MACROD2: variants seen among roughly 807,000 people sequenced by gnomAD.
MACROD2 encodes mono-ADP ribosylhydrolase 2.
MACROD2 carries 36 observed loss-of-function variants against 70.4 expected under a neutral mutation model. The observed-to-expected ratio is 0.51, with a 90% confidence interval of 0.39 to 0.68. The LOEUF is 0.68. MACROD2 is among the 30% of genes least tolerant of loss of function. The pLI, the probability that MACROD2 is intolerant of heterozygous loss-of-function variation, is 0.00. For missense variants in MACROD2, 496 were observed against 538.4 expected (o/e 0.92, Z 0.78); for synonymous variants, 172 against 178.8 (o/e 0.96, Z 0.30).
At chr20:15,083,593 A>G (rs1362710103) in intron 5 of MACROD2, among the ~76,000 whole-genome samples, 1 of 143,672 alleles carries the variant, frequency 7.0e-6, no homozygotes, top group African/African-American at 2.4e-5. Flanking sequence ...CACATCAACA[A>G]TAATTTTTTT....
intron 3 of MACROD2, among the ~76,000 whole-genome samples, chr20:14,106,376 C>T (rs894889071): frequency 7.2e-5 from 11 of 152,142 alleles, no homozygotes; most frequent in Admixed American, 3.3e-4. Context: ...CCAGCTTAAC[C>T]GTGGTAGGCA....
intron 2 of MACROD2, among the ~76,000 whole-genome samples, chr20:14,076,204 A>T (rs2053914438): frequency 6.6e-6 from 1 of 152,038 alleles, no homozygotes; most frequent in Non-Finnish European, 1.5e-5. Flanking sequence ...TATATATGTG[A>T]TATTTTTCTA....
intron 5 of MACROD2, among the ~76,000 whole-genome samples, chr20:15,093,930 C>A (rs1453540609): frequency 2.0e-5 from 3 of 152,138 alleles, no homozygotes; most frequent in Non-Finnish European, 4.4e-5. Context: ...CAGTGCCTTG[C>A]CCTCTGTCAA....
chr20:14,795,465 G>C (rs1393651891), intron 5 of MACROD2, among the ~76,000 whole-genome samples: 1 of 152,004 alleles, frequency 6.6e-6, no homozygotes, highest in South Asian at 2.1e-4. Context: ...GCTTCCTATG[G>C]ATTAGAATAA....
At chr20:14,622,535 G>A (rs1022179982) in intron 4 of MACROD2, among the ~76,000 whole-genome samples, 11 of 152,142 alleles carry the variant, frequency 7.2e-5, no homozygotes, top group Non-Finnish European at 1.5e-4. Flanking sequence ...TGAGCTTATT[G>A]TACTATCATA....
intron 5 of MACROD2, among the ~76,000 whole-genome samples, chr20:14,697,607 A>G (rs1364436359): frequency 6.6e-6 from 1 of 152,162 alleles, no homozygotes; most frequent in Non-Finnish European, 1.5e-5. Flanking sequence ...TTTGAGATTA[A>G]CTGTCTATCA....
At position 14,079,882 on chromosome 20, in the gene MACROD2, G is replaced by T. The variant is rs76856906; in HGVS notation, c.164-5739G>T. On this transcript the variant is annotated intron_variant, in intron 2 of 17. Coordinates refer to ENST00000684519, the MANE Select transcript of MACROD2 (RefSeq NM_001351661.2). ...GGTCTCAGACTGGGCCATACAGCAAGAGTTGAGCAGCAGGTGAGCCAGCAT... is the reference window on the plus strand; with the variant it reads ...GGTCTCAGACTGGGCCATACAGCAATAGTTGAGCAGCAGGTGAGCCAGCAT... Among the ~76,000 whole-genome samples the T allele has an allele frequency of 8.9e-3, 1,362 of 152,254 alleles. 10 individuals carry two copies. Among genetic ancestry groups the T allele is most frequent in the Middle Eastern group, 0.02 (6 of 294 alleles).
At chr20:15,166,260 A>C (rs749300301) in intron 5 of MACROD2, among the ~76,000 whole-genome samples, 3 of 152,174 alleles carry the variant, frequency 2.0e-5, no homozygotes, top group Non-Finnish European at 4.4e-5. Context: ...TTAAGCCCCA[A>C]TGTAATGGTA....
chr20:14,412,311 C>T (rs955063105), intron 3 of MACROD2, among the ~76,000 whole-genome samples: 13 of 152,288 alleles, frequency 8.5e-5, no homozygotes, highest in Admixed American at 6.5e-4. Context: ...CTGCTTTCAA[C>T]GCAGGCTTAG....
intron 8 of MACROD2, among the ~76,000 whole-genome samples, chr20:15,517,401 C>T (rs1212512729): frequency 6.6e-6 from 1 of 152,204 alleles, no homozygotes; most frequent in East Asian, 1.9e-4. Flanking sequence ...CCTCCTTTCA[C>T]TCTCCCTCAC....
chr20:15,915,345 G>A (rs2065298540), intron 10 of MACROD2, among the ~76,000 whole-genome samples: 2 of 152,038 alleles, frequency 1.3e-5, no homozygotes, highest in Admixed American at 6.6e-5. Context: ...ACGATTACAA[G>A]TGACTTATGA....
At chr20:14,465,954 G>A (rs1480442668) in intron 3 of MACROD2, among the ~76,000 whole-genome samples, 1 of 152,044 alleles carries the variant, frequency 6.6e-6, no homozygotes, top group Non-Finnish European at 1.5e-5. Flanking sequence ...TTTCTCTCTG[G>A]CTGCCCTTAA....
rs1219764903 is a variant in MACROD2, at chr20:15,429,145, AT to A, written c.541-2256del. Among the ~76,000 whole-genome samples, 17 of 152,236 alleles carry A rather than the reference AT, an allele frequency of 1.1e-4. No individual in the cohort carries two copies. In the East Asian group the frequency reaches 3.3e-3, roughly 29 times the overall value. On this transcript the variant is annotated intron_variant, in intron 6 of 17. Transcript: ENST00000684519. ...CAAATATATAGTAAGCTTGCAGTTG[AT>A]TTTCATACGGAGAGTAACGCCTATT...
At chr20:14,896,113 G>T (rs1343309545) in intron 5 of MACROD2, among the ~76,000 whole-genome samples, 1 of 152,084 alleles carries the variant, frequency 6.6e-6, no homozygotes, top group Non-Finnish European at 1.5e-5. Context: ...TGGCCAACAT[G>T]GTGAAACCCC....
At chr20:14,988,253 A>C (rs1168116992) in intron 5 of MACROD2, among the ~76,000 whole-genome samples, 1 of 149,400 alleles carries the variant, frequency 6.7e-6, no homozygotes, top group Non-Finnish European at 1.5e-5. Context: ...AATTTCAACT[A>C]CTCGGGAGGT....
chr20:15,564,843 C>T (rs2048290348), intron 8 of MACROD2, among the ~76,000 whole-genome samples: 1 of 152,106 alleles, frequency 6.6e-6, no homozygotes, highest in Non-Finnish European at 1.5e-5. Flanking sequence ...TTATGAACAT[C>T]TTGCCACTTT....
intron 6 of MACROD2, among the ~76,000 whole-genome samples, chr20:15,411,736 G>A (rs1488855350): frequency 6.6e-6 from 1 of 152,226 alleles, no homozygotes; most frequent in African/African-American, 2.4e-5. Context: ...TGGGGAAAAA[G>A]TATGACCTAC....
intron 6 of MACROD2, among the ~76,000 whole-genome samples, chr20:15,396,454 A>G (rs1479703359): frequency 6.6e-6 from 1 of 151,958 alleles, no homozygotes; most frequent in African/African-American, 2.4e-5. Flanking sequence ...TACTGTAATT[A>G]TGAAGAAGCA....
intron 6 of MACROD2, among the ~76,000 whole-genome samples, chr20:15,422,620 C>A (rs192923797): frequency 3.6e-4 from 55 of 152,270 alleles, no homozygotes; most frequent in Non-Finnish European, 6.2e-4. Flanking sequence ...CAGCACATTT[C>A]GGTAATTCAA....
Sources: allele counts gnomAD v4.1 joint callset (sites outside exome capture counted in the v4.1 genomes callset), GRCh38; gene constraint gnomAD v4.1.1; transcripts MANE v1.5; gene names NCBI Gene and HGNC (gene_info 2026-07-23, HGNC 2026-07-21).